The following GIGYF2 variants were observed in gnomAD, a reference collection of about 807,000 sequenced individuals.
GIGYF2 encodes the protein GRB10 interacting GYF protein 2, also known as GRB10-interacting GYF protein 2.
A neutral mutation model predicts 208.1 loss-of-function variants in GIGYF2; 25 were observed. The ratio of observed to expected loss-of-function variants is 0.12; its 90% CI spans 0.09 to 0.17. The LOEUF is 0.17. Ranked by LOEUF, GIGYF2 falls within the 10% of genes least tolerant of loss-of-function variation. The probability of loss-of-function intolerance (pLI) is 1.00; values close to 1 mark genes in which losing one functional copy is unlikely to be tolerated. For missense variants in GIGYF2, 1,302 were observed against 1,579.4 expected, an observed-to-expected ratio of 0.82 and a Z score of 2.98; for synonymous variants, 534 against 543.8, an observed-to-expected ratio of 0.98 and a Z score of 0.25.
intron 9 of GIGYF2, among the ~76,000 whole-genome samples, chr2:232,789,640 AT>A (rs1249390233): frequency 5.3e-5 from 8 of 151,870 alleles, no homozygotes; most frequent in African/African-American, 1.7e-4. Flanking sequence ...TTGTTTTCCA[AT>A]TTGATTTTTA....
In GIGYF2 at chr2:232,832,938, G is replaced by A; in HGVS notation, c.2611G>A (p.Glu871Lys). ...LEENRLRMEE[E>K]AARLRHEEEE... ...GGAGAACCGGCTGCGGATGGAAGAG[G>A]AGGCAGCCAGACTCCGGCATGAGGA... Residue 871 changes from glutamate (E) to lysine (K), a missense_variant, in exon 22 of 29, where the codon GAG becomes AAG. By Grantham distance (56) the Glu-to-Lys change is moderately conservative. Around this residue, in one of 8 missense-constraint regions of GIGYF2, gnomAD observed 701 missense variants for 793.0 expected, o/e 0.88. Transcript: ENST00000373563. The A allele has an allele frequency of 6.4e-7, 1 of 1,568,192 alleles. No individual in the cohort carries two copies. The highest frequency in any genetic ancestry group is 8.6e-7 in the Non-Finnish European group (1 of 1,156,482).
intron 21 of GIGYF2, 27 bp from the exon 22 acceptor site, chr2:232,832,830 A>T: frequency 6.7e-7 from 1 of 1,494,156 alleles, no homozygotes. Flanking sequence ...TAAAATTTTT[A>T]TATCTTTAAT....
At chr2:232,808,944 C>T (rs1700642036) in intron 15 of GIGYF2, among the ~76,000 whole-genome samples, 1 of 151,738 alleles carries the variant, frequency 6.6e-6, no homozygotes, top group Non-Finnish European at 1.5e-5. Flanking sequence ...TATATACATA[C>T]ATATATATAT....
intron 14 of GIGYF2, among the ~76,000 whole-genome samples, chr2:232,797,890 A>G (rs1700273392): frequency 1.3e-5 from 2 of 150,502 alleles, no homozygotes; most frequent in South Asian, 2.1e-4. Flanking sequence ...CTGAGGCATG[A>G]GAATCACTTG....
chr2:232,816,015 A>C (rs993353058), intron 19 of GIGYF2: 1 of 408,238 alleles, frequency 2.4e-6, no homozygotes, highest in African/African-American at 2.0e-5. Context: ...CATGGTATGA[A>C]CATTTGTTAT....
rs533893292 is a variant in GIGYF2 at position 232,831,973 on chromosome 2, G to T, written c.2530-884G>T. Among the ~76,000 whole-genome samples, 24 of 145,972 alleles carry T rather than the reference G, an allele frequency of 1.6e-4. No homozygotes were observed. The South Asian group carries it at 3.7e-3, about 23-fold the overall frequency. Reference sequence around the variant, plus strand: ...TCTGACATTTTAAACCTCTGATGTGGCAGGAGGCTTTGTCTGCCAGGAATA... The same window carrying T: ...TCTGACATTTTAAACCTCTGATGTGTCAGGAGGCTTTGTCTGCCAGGAATA... On this transcript the variant is annotated intron_variant, in intron 21 of 28. Coordinates refer to ENST00000373563, the MANE Select transcript of GIGYF2 (RefSeq NM_001103146.3).
chr2:232,742,560 T>A (rs1698009339), intron 3 of GIGYF2, among the ~76,000 whole-genome samples: 1 of 151,922 alleles, frequency 6.6e-6, no homozygotes, highest in Non-Finnish European at 1.5e-5. Flanking sequence ...CAAAAATAAA[T>A]AAATAAATAA....
chr2:232,820,127 T>C (rs991775163), intron 21 of GIGYF2, 142 bp downstream of exon 21: 5 of 771,112 alleles, frequency 6.5e-6, no homozygotes, highest in African/African-American at 5.3e-5. Flanking sequence ...CTGGCTCTTA[T>C]TACTTCTGTC....
intron 23 of GIGYF2, 42 bp downstream of exon 23, chr2:232,840,013 C>G: frequency 1.9e-6 from 3 of 1,596,166 alleles, no homozygotes; most frequent in Non-Finnish European, 2.6e-6. Context: ...AGCGATGTTC[C>G]AGAATATCTA....
chr2:232,725,725 T>G (rs1178365471), intron 2 of GIGYF2, among the ~76,000 whole-genome samples: 1 of 152,244 alleles, frequency 6.6e-6, no homozygotes, highest in Non-Finnish European at 1.5e-5. Flanking sequence ...ATGGTACTCA[T>G]TGTTTTTTTA....
chr2:232,703,846 A>G (rs914091312), intron 2 of GIGYF2, among the ~76,000 whole-genome samples: 1 of 152,198 alleles, frequency 6.6e-6, no homozygotes, highest in Non-Finnish European at 1.5e-5. Flanking sequence ...TGTAGATAGC[A>G]CTTTTTTACC....
chr2:232,821,942 T>TA (rs1559457381), intron 21 of GIGYF2, among the ~76,000 whole-genome samples: 2 of 148,816 alleles, frequency 1.3e-5, no homozygotes, highest in South Asian at 4.2e-4. Context: ...TATAAATATT[T>TA]TTTTTTTTTT....
intron 8 of GIGYF2, among the ~76,000 whole-genome samples, chr2:232,773,882 G>T (rs556852855): frequency 2.1e-5 from 3 of 144,194 alleles, no homozygotes. Flanking sequence ...GACCAGCCTA[G>T]GCAACGTAGT....
intron 8 of GIGYF2, among the ~76,000 whole-genome samples, chr2:232,775,769 G>GA (rs1457506121): frequency 1.3e-5 from 2 of 152,174 alleles, no homozygotes; most frequent in Non-Finnish European, 2.9e-5. Context: ...GAGGAGTTAA[G>GA]ATAAAGGCTA....
At chr2:232,754,243 G>A (rs1698447701) in intron 5 of GIGYF2, among the ~76,000 whole-genome samples, 3 of 151,706 alleles carry the variant, frequency 2.0e-5, no homozygotes. Flanking sequence ...ACATGTAGAG[G>A]ACCATGATTT....
In GIGYF2 at chr2:232,839,826, T is replaced by G. The variant is rs568190820; in HGVS notation, c.2767-23T>G. 4.3e-6 allele frequency: 7 copies of G among 1,613,738 alleles called. No homozygotes were observed. The East Asian group carries it at 1.1e-4, about 26-fold the overall frequency. On this transcript the variant is annotated intron_variant, in intron 22 of 28. Transcript: ENST00000373563. ...CCTGTCCACATTTCCTCATGAACTT[T>G]CTGGCCTTCCCTTTTTTGTTAGCTT... is the stretch of plus-strand genomic sequence containing the variant.
intron 27 of GIGYF2, among the ~76,000 whole-genome samples, chr2:232,849,124 T>C (rs1333541295): frequency 6.6e-6 from 1 of 152,038 alleles, no homozygotes; most frequent in Admixed American, 6.5e-5. Flanking sequence ...CAGGCATAAA[T>C]TGAAGGAAAA....
intron 16 of GIGYF2, 79 bp from the exon 17 acceptor site, chr2:232,811,165 G>T: frequency 1.3e-6 from 1 of 777,730 alleles, no homozygotes; most frequent in South Asian, 1.4e-5. Context: ...GCTTTGAATT[G>T]AACTTTGTCT....
chr2:232,772,597 A>G (rs1374867146), intron 8 of GIGYF2, among the ~76,000 whole-genome samples: 1 of 152,172 alleles, frequency 6.6e-6, no homozygotes, highest in African/African-American at 2.4e-5. Context: ...CTTCCTTGTA[A>G]TCATCCTTGC....
Sources: gnomAD v4.1 joint callset for allele counts (sites outside exome capture counted in the v4.1 genomes callset) on GRCh38, gnomAD v4.1.1 for gene constraint, gnomAD v4.1.1 regional missense constraint, MANE v1.5 for transcripts, NCBI Gene and HGNC (gene_info 2026-07-23, HGNC 2026-07-21) for gene names.